PDZRN4: variants seen among roughly 807,000 people sequenced by gnomAD.
PDZRN4 encodes PDZ domain-containing RING finger protein 4.
Under a neutral mutation model 99.0 loss-of-function variants are expected in PDZRN4, and 70 were observed. That is an observed-to-expected ratio of 0.71 (90% CI 0.58 to 0.86). The LOEUF is 0.86. Among genes scored for constraint, PDZRN4 ranks in the 40% least tolerant of loss-of-function variants. The pLI is 0.00. For missense variants in PDZRN4, 1,474 were observed against 1,331.2 expected, an observed-to-expected ratio of 1.11 and a Z score of -1.67; for synonymous variants, 551 against 501.6, an observed-to-expected ratio of 1.10 and a Z score of -1.32.
intron 2 of PDZRN4, among the ~76,000 whole-genome samples, chr12:41,192,413 A>C (rs910026824): frequency 3.3e-5 from 5 of 152,234 alleles, no homozygotes; most frequent in African/African-American, 1.2e-4. Context: ...ATTTTTGAGA[A>C]AAACAAAAAA....
At chr12:41,360,905 A>C (rs1214330910) in intron 3 of PDZRN4, among the ~76,000 whole-genome samples, 1 of 151,866 alleles carries the variant, frequency 6.6e-6, no homozygotes, top group African/African-American at 2.4e-5. Context: ...AAAATATCCC[A>C]AAAAACCTAT....
At chr12:41,296,969 A>T (rs896638061) in intron 3 of PDZRN4, among the ~76,000 whole-genome samples, 1 of 152,132 alleles carries the variant, frequency 6.6e-6, no homozygotes, top group African/African-American at 2.4e-5. Flanking sequence ...AAAAACAAAA[A>T]CAAAAACAAA....
chr12:41,565,425 C>A (rs1939349395), intron 8 of PDZRN4, among the ~76,000 whole-genome samples: 4 of 145,438 alleles, frequency 2.8e-5, no homozygotes, highest in South Asian at 4.3e-4. Flanking sequence ...TCAGTACATG[C>A]TATAAAGTGG....
chr12:41,234,737 T>C (rs1191521317), intron 3 of PDZRN4, among the ~76,000 whole-genome samples: 1 of 152,142 alleles, frequency 6.6e-6, no homozygotes, highest in Non-Finnish European at 1.5e-5. Flanking sequence ...AAATGTGTCC[T>C]TTAAAAGTTG....
chr12:41,373,659 A>C (rs1374501683), intron 3 of PDZRN4, among the ~76,000 whole-genome samples: 1 of 152,066 alleles, frequency 6.6e-6, no homozygotes, highest in East Asian at 1.9e-4. Context: ...CATGCTCTAC[A>C]AACAATTTGT....
intron 3 of PDZRN4, among the ~76,000 whole-genome samples, chr12:41,333,562 A>G (rs1246576523): frequency 6.6e-6 from 1 of 152,046 alleles, no homozygotes; most frequent in Non-Finnish European, 1.5e-5. Flanking sequence ...CCTCCTGTCC[A>G]ATCTTCAGCT....
chr12:41,417,857 TG>T (rs1952457205), intron 3 of PDZRN4, among the ~76,000 whole-genome samples: 1 of 152,202 alleles, frequency 6.6e-6, no homozygotes, highest in African/African-American at 2.4e-5. Context: ...ACACATTGTG[TG>T]GGTCTCAAGA....
At chr12:41,401,572 A>G (rs1478998295) in intron 3 of PDZRN4, among the ~76,000 whole-genome samples, 1 of 151,992 alleles carries the variant, frequency 6.6e-6, no homozygotes, top group Non-Finnish European at 1.5e-5. Context: ...CCAGACTGTT[A>G]CCTTCATAGG....
intron 3 of PDZRN4, among the ~76,000 whole-genome samples, chr12:41,271,785 T>C (rs1951315842): frequency 6.6e-6 from 1 of 152,118 alleles, no homozygotes; most frequent in South Asian, 2.1e-4. Context: ...AGCACATTAG[T>C]AAGCAAAAGC....
At chr12:41,369,177 T>A (rs1952022640) in intron 3 of PDZRN4, among the ~76,000 whole-genome samples, 1 of 152,076 alleles carries the variant, frequency 6.6e-6, no homozygotes, top group African/African-American at 2.4e-5. Flanking sequence ...ATTAAATGAA[T>A]TTTATTGGGA....
chr12:41,470,749 A>G (rs569087124), intron 3 of PDZRN4, among the ~76,000 whole-genome samples: 1 of 152,086 alleles, frequency 6.6e-6, no homozygotes, highest in East Asian at 1.9e-4. Flanking sequence ...AAAAGTCCTG[A>G]CCAGAAATGA....
At chr12:41,268,889 G>A (rs771689796) in intron 3 of PDZRN4, among the ~76,000 whole-genome samples, 12 of 152,130 alleles carry the variant, frequency 7.9e-5, no homozygotes, top group African/African-American at 1.7e-4. Flanking sequence ...GGAAAATTGC[G>A]TGATTGAAAC....
intron 3 of PDZRN4, among the ~76,000 whole-genome samples, chr12:41,263,436 C>T (rs1457839330): frequency 1.3e-5 from 2 of 152,124 alleles, no homozygotes; most frequent in South Asian, 2.1e-4. Flanking sequence ...CCTGTAATCC[C>T]AGCACTTTGG....
At chr12:41,515,945 T>C (rs1316926472) in intron 5 of PDZRN4, among the ~76,000 whole-genome samples, 1 of 151,902 alleles carries the variant, frequency 6.6e-6, no homozygotes, top group East Asian at 1.9e-4. Flanking sequence ...TCTCACCACC[T>C]CACCTTTCCA....
At chr12:41,552,106 C>T (rs1939066652) in intron 5 of PDZRN4, among the ~76,000 whole-genome samples, 1 of 152,086 alleles carries the variant, frequency 6.6e-6, no homozygotes, top group Non-Finnish European at 1.5e-5. Flanking sequence ...ATGAGAGTTT[C>T]TACAAAATAA....
intron 3 of PDZRN4, among the ~76,000 whole-genome samples, chr12:41,333,497 A>G (rs756651776): frequency 2.6e-5 from 4 of 152,112 alleles, no homozygotes; most frequent in Non-Finnish European, 5.9e-5. Flanking sequence ...GCTTCAGACC[A>G]GGGTCATTGC....
At position 41,428,228 on chromosome 12, in the gene PDZRN4, C is replaced by T. The variant is rs369286528; in HGVS notation, c.844-78228C>T. The stretch of plus-strand genomic sequence containing the variant: ...GCAGGGAATAAAGCAGACAGGAAAG[C>T]ACATTCCAGGCTCTAGAATATCTAA... On this transcript the variant is annotated intron_variant, in intron 3 of 9. Transcript: ENST00000402685. Among the ~76,000 whole-genome samples, 11 of 152,176 alleles carry T rather than the reference C, an allele frequency of 7.2e-5. 1 individual carries two copies. The highest frequency in any genetic ancestry group is 5.2e-4 in the Admixed American group (8 of 15,278).
intron 3 of PDZRN4, among the ~76,000 whole-genome samples, chr12:41,234,705 A>G (rs1951053920): frequency 6.6e-6 from 1 of 152,078 alleles, no homozygotes; most frequent in Non-Finnish European, 1.5e-5. Flanking sequence ...TTCTTTTCTC[A>G]GTTGCTCTTC....
intron 3 of PDZRN4, among the ~76,000 whole-genome samples, chr12:41,381,488 C>A (rs1952126067): frequency 6.6e-6 from 1 of 152,094 alleles, no homozygotes; most frequent in South Asian, 2.1e-4. Context: ...AGTTCACTGA[C>A]TCTTTATTCC....
Sources: gnomAD v4.1 joint callset for allele counts (sites outside exome capture counted in the v4.1 genomes callset) on GRCh38, gnomAD v4.1.1 for gene constraint, MANE v1.5 for transcripts, NCBI Gene and HGNC (gene_info 2026-07-23, HGNC 2026-07-21) for gene names.